CTNND2: variants seen among roughly 807,000 people sequenced by gnomAD.
CTNND2 encodes catenin delta 2.
In CTNND2, 22 loss-of-function variants were observed where a neutral mutation model predicts 144.4. That is an observed-to-expected ratio of 0.15 (90% confidence interval 0.11 to 0.22). The LOEUF (loss-of-function observed/expected upper bound fraction) is 0.22. CTNND2 is among the 10% of genes least tolerant of loss of function. The probability of loss-of-function intolerance (pLI) is 1.00; values close to 1 mark genes in which losing one functional copy is unlikely to be tolerated. For missense variants in CTNND2, 1,353 were observed against 1,618.8 expected (o/e 0.84, Z 2.82); for synonymous variants, 751 against 695.6 (o/e 1.08, Z -1.25).
intron 10 of CTNND2, among the ~76,000 whole-genome samples, chr5:11,200,764 C>T (rs921470058): frequency 6.6e-6 from 1 of 152,154 alleles, no homozygotes; most frequent in African/African-American, 2.4e-5. Flanking sequence ...CTGCCAGCTC[C>T]GCCTCCCGGG....
intron 1 of CTNND2, among the ~76,000 whole-genome samples, chr5:11,871,059 T>C (rs1043622044): frequency 1.3e-5 from 2 of 152,198 alleles, no homozygotes; most frequent in African/African-American, 4.8e-5. Context: ...GGATTTGCCC[T>C]CTTGCAAGAA....
rs747874315 is a variant in CTNND2 at position 11,236,830 on chromosome 5, A to G, written c.1629-7T>C. The stretch of plus-strand genomic sequence containing the variant: ...GTCTCTCCATCCAAATTCTCTGAAC[A>G]AAAGGAAAGAAGCGGGGAGAATATG... On this transcript the variant is annotated splice_polypyrimidine_tract_variant and splice_region_variant and intron_variant, in intron 9 of 21. Coordinates refer to ENST00000304623, the MANE Select transcript of CTNND2 (RefSeq NM_001332.4). 2 of 1,614,038 alleles carry G rather than the reference A, an allele frequency of 1.2e-6. No homozygotes were observed. Among genetic ancestry groups the G allele is most frequent in the Non-Finnish European group, 1.7e-6 (2 of 1,179,944 alleles).
At chr5:11,465,312 T>A (rs1203572385) in intron 3 of CTNND2, among the ~76,000 whole-genome samples, 1 of 152,028 alleles carries the variant, frequency 6.6e-6, no homozygotes, top group African/African-American at 2.4e-5. Flanking sequence ...CTTTTTTTTT[T>A]TTTTTGCATT....
At chr5:11,827,735 A>C (rs1006788415) in intron 1 of CTNND2, among the ~76,000 whole-genome samples, 1 of 152,212 alleles carries the variant, frequency 6.6e-6, no homozygotes, top group Non-Finnish European at 1.5e-5. Flanking sequence ...ATCTCACTCA[A>C]GGGGAATTGC....
intron 8 of CTNND2, among the ~76,000 whole-genome samples, chr5:11,352,729 C>A (rs528555512): frequency 6.6e-6 from 1 of 152,252 alleles, no homozygotes; most frequent in Non-Finnish European, 1.5e-5. Context: ...ATTAGGTCTT[C>A]ATGATATAAA....
At chr5:11,400,533 A>G (rs16901573) in intron 5 of CTNND2, among the ~76,000 whole-genome samples, 8,713 of 152,310 alleles carry the variant, frequency 0.057, 576 homozygotes, top group African/African-American at 0.15. Context: ...GCCAGGAAGA[A>G]AAGGTGAAAC....
chr5:11,540,692 T>G (rs572001865), intron 3 of CTNND2, among the ~76,000 whole-genome samples: 1 of 152,152 alleles, frequency 6.6e-6, no homozygotes, highest in Non-Finnish European at 1.5e-5. Context: ...GTATTTTCAG[T>G]ACAGATGGGG....
chr5:11,820,843 G>C (rs1793271003), intron 1 of CTNND2, among the ~76,000 whole-genome samples: 2 of 152,118 alleles, frequency 1.3e-5, no homozygotes. Flanking sequence ...GTAATGAAAG[G>C]TTCATTTCAT....
At chr5:11,364,035 T>C (rs954686274) in intron 8 of CTNND2, among the ~76,000 whole-genome samples, 7 of 152,250 alleles carry the variant, frequency 4.6e-5, no homozygotes, top group Non-Finnish European at 7.3e-5. Flanking sequence ...AATCTAATTA[T>C]GACATTTGAC....
chr5:11,850,861 C>T (rs1794977364), intron 1 of CTNND2, among the ~76,000 whole-genome samples: 1 of 152,176 alleles, frequency 6.6e-6, no homozygotes, highest in African/African-American at 2.4e-5. Context: ...CTTTATGTGT[C>T]TACTTGGCTA....
intron 2 of CTNND2, among the ~76,000 whole-genome samples, chr5:11,593,072 A>T (rs1779332802): frequency 6.6e-6 from 1 of 152,034 alleles, no homozygotes; most frequent in Non-Finnish European, 1.5e-5. Flanking sequence ...AAAAAAATCA[A>T]CTCCATCTGG....
intron 1 of CTNND2, among the ~76,000 whole-genome samples, chr5:11,804,538 C>G (rs996726946): frequency 1.3e-5 from 2 of 152,068 alleles, no homozygotes; most frequent in African/African-American, 4.8e-5. Flanking sequence ...AATGAGCTAT[C>G]AAGCCATGAA....
chr5:11,267,648 G>A (rs1038228884), intron 9 of CTNND2, among the ~76,000 whole-genome samples: 1 of 152,200 alleles, frequency 6.6e-6, no homozygotes, highest in African/African-American at 2.4e-5. Flanking sequence ...TAAAAGGACT[G>A]CACACACTTT....
chr5:11,165,675 A>G (rs1030465560), intron 11 of CTNND2, among the ~76,000 whole-genome samples: 4 of 152,218 alleles, frequency 2.6e-5, no homozygotes, highest in Admixed American at 2.0e-4. Context: ...ACGTATACTA[A>G]AGATATTTAA....
chr5:11,071,255 G>A (rs1245375963), intron 16 of CTNND2, among the ~76,000 whole-genome samples: 2 of 152,304 alleles, frequency 1.3e-5, no homozygotes, highest in East Asian at 3.9e-4. Context: ...AAAAAAATCA[G>A]GGCTGGGCAC....
intron 9 of CTNND2, among the ~76,000 whole-genome samples, chr5:11,265,022 G>C (rs554872957): frequency 6.6e-6 from 1 of 151,832 alleles, no homozygotes; most frequent in Non-Finnish European, 1.5e-5. Context: ...GCAAAACAAA[G>C]ACAGGCTAAA....
intron 3 of CTNND2, among the ~76,000 whole-genome samples, chr5:11,536,237 A>AT (rs1774207619): frequency 6.6e-6 from 1 of 151,634 alleles, no homozygotes; most frequent in African/African-American, 2.4e-5. Flanking sequence ...TGATTTTTTT[A>AT]TTTTTTGGTA....
chr5:11,073,931 G>A (rs1421751799), intron 16 of CTNND2, among the ~76,000 whole-genome samples: 1 of 152,170 alleles, frequency 6.6e-6, no homozygotes, highest in Non-Finnish European at 1.5e-5. Flanking sequence ...TAATAAAAAC[G>A]ACATCTGTCT....
intron 3 of CTNND2, among the ~76,000 whole-genome samples, chr5:11,557,471 A>G (rs1776321176): frequency 6.6e-6 from 1 of 152,178 alleles, no homozygotes; most frequent in Non-Finnish European, 1.5e-5. Flanking sequence ...GATCCTCCTC[A>G]GCATGTAAAT....
Sources: allele counts gnomAD v4.1 joint callset (sites outside exome capture counted in the v4.1 genomes callset), GRCh38; gene constraint gnomAD v4.1.1; transcripts MANE v1.5; gene names NCBI Gene and HGNC (gene_info 2026-07-23, HGNC 2026-07-21).